Variants in DPYSL3 observed in about 807,000 individuals in gnomAD.
DPYSL3 encodes the protein dihydropyrimidinase-related protein 3.
A neutral mutation model predicts 66.1 loss-of-function variants in DPYSL3; 16 were observed. That is an observed-to-expected ratio of 0.24 (90% confidence interval 0.16 to 0.37). The LOEUF (loss-of-function observed/expected upper bound fraction) is 0.37. DPYSL3 is among the 10% of genes least tolerant of loss of function. The probability of loss-of-function intolerance (pLI) is 1.00; values close to 1 mark genes in which losing one functional copy is unlikely to be tolerated. For missense variants in DPYSL3, 738 were observed against 916.2 expected (o/e 0.81, Z 2.51); for synonymous variants, 338 against 345.1 (o/e 0.98, Z 0.23).
chr5:147,491,716 C>T lies in DPYSL3; in HGVS notation c.381+17762G>A, dbSNP rs182830900. 2.8e-3 allele frequency among the ~76,000 whole-genome samples: 424 copies of T among 149,756 alleles called. 1 individual carries two copies. The highest frequency in any genetic ancestry group is 4.7e-3 in the Non-Finnish European group (315 of 67,630). ...AAAATAATGTCTGAGCTTGAGGATA[C>T]GACAATAGAAACTGCCAAAACTGAA... On this transcript the variant is annotated intron_variant, in intron 1 of 13. Transcript: ENST00000343218.
At chr5:147,473,677 A>G (rs891616222) in intron 1 of DPYSL3, among the ~76,000 whole-genome samples, 3 of 152,012 alleles carry the variant, frequency 2.0e-5, no homozygotes, top group Non-Finnish European at 4.4e-5. Flanking sequence ...TCTAGAATGT[A>G]TTTCTTCACT....
At chr5:147,489,310 G>A (rs1031000551) in intron 1 of DPYSL3, among the ~76,000 whole-genome samples, 6 of 152,094 alleles carry the variant, frequency 3.9e-5, no homozygotes, top group Non-Finnish European at 8.8e-5. Context: ...CCAGCTCCAG[G>A]TGTTGGATCC....
chr5:147,405,494 C>T, intron 8 of DPYSL3, 116 bp downstream of exon 8: 1 of 1,394,444 alleles, frequency 7.2e-7, no homozygotes, highest in Non-Finnish European at 9.5e-7. Context: ...GAGCGGCTTC[C>T]TAGGGAGCAA....
At chr5:147,473,456 G>A (rs1753112421) in intron 1 of DPYSL3, 1 of 152,118 alleles carries the variant, frequency 6.6e-6, no homozygotes, top group African/African-American at 2.4e-5. Context: ...ACAACACTTA[G>A]CAGCTTCTAA....
rs1444952823 is a variant in DPYSL3 at position 147,395,556 on chromosome 5, C to A, written c.1966+3G>T. On this transcript the variant is annotated splice_donor_region_variant and intron_variant, in intron 13 of 13. Coordinates refer to ENST00000343218, the MANE Select transcript of DPYSL3 (RefSeq NM_001197294.2). ...TATCTTTTGATGAGCCTGTCCCACTCACCTGACAGGCTAAATCCCGACTGA... is the reference window on the plus strand; with the variant it reads ...TATCTTTTGATGAGCCTGTCCCACTAACCTGACAGGCTAAATCCCGACTGA... 4 of 1,609,414 alleles carry A rather than the reference C, an allele frequency of 2.5e-6. No individual in the cohort carries two copies. Among genetic ancestry groups the A allele is most frequent in the East Asian group, 2.2e-5 (1 of 44,708 alleles).
chr5:147,453,655 C>G lies in DPYSL3; in HGVS notation c.382-28692G>C. 6 of 1,495,744 alleles carry G rather than the reference C, an allele frequency of 4.0e-6. No homozygotes were observed. The South Asian group carries it at 7.8e-5, about 19-fold the overall frequency. The allele number at this position is 1,495,744 out of a possible 1,614,324, so 92.7% of individuals were successfully genotyped here. On this transcript the variant is annotated intron_variant, in intron 1 of 13. Coordinates refer to ENST00000343218, the MANE Select transcript of DPYSL3 (RefSeq NM_001197294.2). ...TTCTGCTCCGGCTCGCCCGCGCCTT[C>G]CTCAGCGCACAGCGCCCCGAGATCA...
At chr5:147,475,298 G>A (rs1387353215) in intron 1 of DPYSL3, among the ~76,000 whole-genome samples, 2 of 152,094 alleles carry the variant, frequency 1.3e-5, no homozygotes, top group Non-Finnish European at 2.9e-5. Context: ...TCATATTGCT[G>A]TTATGTGAGA....
At chr5:147,399,960 C>G (rs1758122673) in intron 10 of DPYSL3, among the ~76,000 whole-genome samples, 1 of 152,142 alleles carries the variant, frequency 6.6e-6, no homozygotes, top group Non-Finnish European at 1.5e-5. Flanking sequence ...AAACCTAGCT[C>G]TGAGCTTCCT....
At position 147,509,939 on chromosome 5, in the gene DPYSL3, C is replaced by A; in HGVS notation, c.-81G>T. Reference sequence around the variant, plus strand: ...GCCGCCGGCAGCGTGCGCCGAGCCACAGTGACTGTGGCGGGAGGAGGCGCC... The same window carrying A: ...GCCGCCGGCAGCGTGCGCCGAGCCAAAGTGACTGTGGCGGGAGGAGGCGCC... On this transcript the variant is annotated 5_prime_UTR_variant, in exon 1 of 14. Coordinates refer to ENST00000343218, the MANE Select transcript of DPYSL3 (RefSeq NM_001197294.2). The surrounding 1 kb of genome is among the most constrained non-coding windows in gnomAD (Gnocchi z 5.3). The A allele has an allele frequency of 6.9e-7, 1 of 1,443,572 alleles. No homozygotes were observed. Among genetic ancestry groups the A allele is most frequent in the South Asian group, 1.5e-5 (1 of 68,914 alleles). The allele number at this position is 1,443,572 out of a possible 1,614,324, so 89.4% of individuals were successfully genotyped here. A position where few individuals can be genotyped will look rare whatever the true frequency, so the allele number is the denominator to read the frequency against.
At chr5:147,493,198 C>T (rs1188032826) in intron 1 of DPYSL3, among the ~76,000 whole-genome samples, 1 of 152,024 alleles carries the variant, frequency 6.6e-6, no homozygotes, top group Non-Finnish European at 1.5e-5. Flanking sequence ...ATACATGAGG[C>T]AAAAACCTAA....
chr5:147,472,346 A>T (rs1209371055), intron 1 of DPYSL3, among the ~76,000 whole-genome samples: 1 of 152,214 alleles, frequency 6.6e-6, no homozygotes, highest in Non-Finnish European at 1.5e-5. Context: ...CATAATGATG[A>T]GGTGTTATAG....
At chr5:147,427,339 T>C (rs1752216147) in intron 1 of DPYSL3, among the ~76,000 whole-genome samples, 1 of 152,222 alleles carries the variant, frequency 6.6e-6, no homozygotes, top group Non-Finnish European at 1.5e-5. Flanking sequence ...ATGTATCTTT[T>C]GATATTTCTA....
At chr5:147,412,562 T>G (rs910087670) in intron 6 of DPYSL3, 46 bp downstream of exon 6, 1 of 1,560,830 alleles carries the variant, frequency 6.4e-7, no homozygotes, top group African/African-American at 1.4e-5. Flanking sequence ...AAGAAGAAAA[T>G]GGAATGCAGA....
At chr5:147,422,928 C>A (rs1439391786) in intron 2 of DPYSL3, among the ~76,000 whole-genome samples, 3 of 152,090 alleles carry the variant, frequency 2.0e-5, no homozygotes, top group Non-Finnish European at 4.4e-5. Flanking sequence ...GTGCAGCAAA[C>A]CACCATGGCA....
chr5:147,428,918 T>C (rs1752252823), intron 1 of DPYSL3, among the ~76,000 whole-genome samples: 3 of 152,044 alleles, frequency 2.0e-5, no homozygotes, highest in Admixed American at 6.5e-5. Flanking sequence ...TGTTTACCTA[T>C]GTAACAAACC....
At chr5:147,425,711 C>T (rs898814149) in intron 1 of DPYSL3, among the ~76,000 whole-genome samples, 2 of 152,088 alleles carry the variant, frequency 1.3e-5, no homozygotes, top group Non-Finnish European at 2.9e-5. Context: ...AGTTACCCGA[C>T]AGGAAACAAT....
At chr5:147,491,832 G>A (rs990094458) in intron 1 of DPYSL3, among the ~76,000 whole-genome samples, 1 of 151,388 alleles carries the variant, frequency 6.6e-6, no homozygotes, top group Non-Finnish European at 1.5e-5. Context: ...AATGAATAAT[G>A]AAAATATCAA....
intron 1 of DPYSL3, among the ~76,000 whole-genome samples, chr5:147,507,627 GT>G (rs1167298320): frequency 1.3e-5 from 2 of 152,174 alleles, no homozygotes; most frequent in African/African-American, 4.8e-5. Context: ...TTCTAACAGT[GT>G]GATTCAACCA....
At position 147,473,928 on chromosome 5, in the gene DPYSL3, AC is replaced by A. The variant is rs35104923; in HGVS notation, c.381+35549del. On this transcript the variant is annotated intron_variant, in intron 1 of 13. Transcript: ENST00000343218. ...AAAGAAAAGCTGCAAGTATCTTAAT[AC>A]TGTAACTTAAATGCAGTGTTTGAGG... 5.0e-3 allele frequency among the ~76,000 whole-genome samples: 768 copies of A among 152,232 alleles called. 26 individuals carry two copies. The East Asian group carries it at 0.1, about 20-fold the overall frequency.
Sources: allele counts gnomAD v4.1 joint callset (sites outside exome capture counted in the v4.1 genomes callset), GRCh38; gene constraint gnomAD v4.1.1; non-coding constraint Gnocchi (gnomAD v3.1); transcripts MANE v1.5; gene names NCBI Gene and HGNC (gene_info 2026-07-23, HGNC 2026-07-21).